FAT3: variants seen among roughly 807,000 people sequenced by gnomAD.
The protein encoded by FAT3 is FAT atypical cadherin 3.
A neutral mutation model predicts 310.2 loss-of-function variants in FAT3; 95 were observed. The ratio of observed to expected loss-of-function variants is 0.31; its 90% CI spans 0.26 to 0.36. The LOEUF is 0.36. Ranked by LOEUF, FAT3 falls within the 10% of genes least tolerant of loss-of-function variation. FAT3 has a pLI of 1.00. For synonymous variants in FAT3, 2,314 were observed against 2,192.9 expected (o/e 1.06, Z -1.54); for missense variants, 5,408 against 5,715.6 (o/e 0.95, Z 1.74).
intron 3 of FAT3, among the ~76,000 whole-genome samples, chr11:92,637,150 A>G (rs545473656): frequency 1.3e-5 from 2 of 152,332 alleles, no homozygotes; most frequent in African/African-American, 2.4e-5. Context: ...CACAAAAGGG[A>G]AAAGACATTT....
At position 92,844,236 on chromosome 11, in the gene FAT3, T is replaced by C. The variant is rs773976738; in HGVS notation, c.10869T>C (p.Ser3623=). The change falls in exon 19 of 28, where the codon AGT becomes AGC. Residue 3623 remains serine, a synonymous_variant. Coordinates refer to ENST00000525166, the MANE Select transcript of FAT3 (RefSeq NM_001367949.2). ...SGKYVLNVSV[S]DGRFQVPIDV... ...AGTATGTCCTGAATGTGTCTGTGAG[T>C]GATGGTCGCTTCCAGGTACCCATTG... The C allele has an allele frequency of 6.2e-7, 1 of 1,613,898 alleles. No individual in the cohort carries two copies. The highest frequency in any genetic ancestry group is 8.5e-7 in the Non-Finnish European group (1 of 1,179,880).
At chr11:92,501,661 T>C (rs571321755) in intron 2 of FAT3, among the ~76,000 whole-genome samples, 1 of 152,144 alleles carries the variant, frequency 6.6e-6, no homozygotes, top group Admixed American at 6.6e-5. Flanking sequence ...TTTGTCTTTT[T>C]GTTGGGCTTT....
chr11:92,364,312 A>G (rs1948958680), intron 2 of FAT3, among the ~76,000 whole-genome samples: 1 of 152,118 alleles, frequency 6.6e-6, no homozygotes. Flanking sequence ...CAATTATCAA[A>G]CAGTGAAATT....
At position 92,800,231 on chromosome 11, in the gene FAT3, A is replaced by T; in HGVS notation, c.7218A>T (p.Leu2406Phe). Residue 2406 changes from leucine to phenylalanine, a missense_variant, in exon 10 of 28, where the codon TTA (leucine) becomes TTT (phenylalanine). Around this residue, in one of 5 missense-constraint regions of FAT3, gnomAD observed 4,588 missense variants for 4,809.8 expected, o/e 0.95. Coordinates refer to ENST00000525166, the MANE Select transcript of FAT3 (RefSeq NM_001367949.2). ...TTTATGAGTCATATGTGAGTGAATT[A>T]GCCCCCCGGGGCCATTTTGTAACCT... is the stretch of plus-strand genomic sequence containing the variant. Reference protein sequence around the residue: ...QLIYESYVSELAPRGHFVTCV... With the variant: ...QLIYESYVSEFAPRGHFVTCV... 1 of 1,614,006 alleles carries T rather than the reference A, an allele frequency of 6.2e-7. No homozygotes were observed.
intron 2 of FAT3, among the ~76,000 whole-genome samples, chr11:92,368,901 C>T (rs566243989): frequency 1.4e-5 from 2 of 140,588 alleles, no homozygotes; most frequent in South Asian, 4.3e-4. Context: ...TACACACACA[C>T]ATATATATAT....
At chr11:92,680,759 G>A (rs185515186) in intron 3 of FAT3, among the ~76,000 whole-genome samples, 300 of 152,264 alleles carry the variant, frequency 2.0e-3, no homozygotes, top group Non-Finnish European at 2.9e-3. Flanking sequence ...CCATGAGGTA[G>A]ATACAAACTT....
chr11:92,538,230 G>T (rs545923607), intron 3 of FAT3, among the ~76,000 whole-genome samples: 1 of 152,174 alleles, frequency 6.6e-6, no homozygotes, highest in East Asian at 1.9e-4. Flanking sequence ...TCTTTAACCT[G>T]TTGAACAAGA....
chr11:92,678,209 T>C (rs1298084443), intron 3 of FAT3, among the ~76,000 whole-genome samples: 1 of 152,168 alleles, frequency 6.6e-6, no homozygotes, highest in Non-Finnish European at 1.5e-5. Flanking sequence ...AGGGGATCAA[T>C]CAGAGGCTGA....
chr11:92,372,334 T>C (rs1949209769), intron 2 of FAT3, among the ~76,000 whole-genome samples: 1 of 151,698 alleles, frequency 6.6e-6, no homozygotes, highest in African/African-American at 2.4e-5. Flanking sequence ...GAACAGTCGA[T>C]GTTTAGGTGT....
chr11:92,618,871 A>G (rs1940948024), intron 3 of FAT3, among the ~76,000 whole-genome samples: 1 of 152,012 alleles, frequency 6.6e-6, no homozygotes, highest in Non-Finnish European at 1.5e-5. Flanking sequence ...AGAACTTCCA[A>G]TAGAAATCTG....
intron 3 of FAT3, among the ~76,000 whole-genome samples, chr11:92,587,420 G>C (rs1343191660): frequency 2.6e-5 from 4 of 151,808 alleles, no homozygotes; most frequent in Non-Finnish European, 5.9e-5. Context: ...TTTCCCCTTA[G>C]AACAAATTTC....
At chr11:92,533,468 G>A (rs1185530131) in intron 3 of FAT3, among the ~76,000 whole-genome samples, 1 of 152,170 alleles carries the variant, frequency 6.6e-6, no homozygotes, top group African/African-American at 2.4e-5. Flanking sequence ...GCAACAGCAT[G>A]TGTTTTACCC....
At chr11:92,759,909 T>C (rs1181616070) in intron 4 of FAT3, among the ~76,000 whole-genome samples, 1 of 152,088 alleles carries the variant, frequency 6.6e-6, no homozygotes, top group East Asian at 1.9e-4. Flanking sequence ...GAGGTGATTT[T>C]GTGCACGATG....
intron 2 of FAT3, among the ~76,000 whole-genome samples, chr11:92,408,448 G>C (rs1269693297): frequency 2.0e-5 from 3 of 152,228 alleles, no homozygotes; most frequent in East Asian, 3.9e-4. Context: ...CTGTTGCTTA[G>C]GCTCTCCGAG....
intron 3 of FAT3, among the ~76,000 whole-genome samples, chr11:92,669,641 G>A (rs1443623909): frequency 1.3e-5 from 2 of 152,154 alleles, no homozygotes; most frequent in Non-Finnish European, 2.9e-5. Flanking sequence ...CTGGGTTAGG[G>A]TAAGAGGGGT....
intron 4 of FAT3, among the ~76,000 whole-genome samples, chr11:92,758,444 G>T (rs539506311): frequency 1.2e-4 from 18 of 152,282 alleles, no homozygotes; most frequent in African/African-American, 4.3e-4. Context: ...ATTCCATGAA[G>T]ACAAATGGCT....
At chr11:92,712,240 C>G (rs1039911795) in intron 4 of FAT3, among the ~76,000 whole-genome samples, 2 of 152,080 alleles carry the variant, frequency 1.3e-5, no homozygotes, top group African/African-American at 4.8e-5. Context: ...AGAAGAGCAG[C>G]CCCTGTCTCC....
intron 1 of FAT3, among the ~76,000 whole-genome samples, chr11:92,268,194 A>G (rs936915301): frequency 1.3e-5 from 2 of 152,094 alleles, no homozygotes; most frequent in African/African-American, 4.8e-5. Context: ...TCCCCATTTC[A>G]CATGTGGGGT....
chr11:92,887,079 C>T lies in FAT3; in HGVS notation c.13017C>T (p.Leu4339=). Residue 4339 remains leucine, a synonymous_variant, in exon 25 of 28, where the codon CTC becomes CTT. Coordinates refer to ENST00000525166, the MANE Select transcript of FAT3 (RefSeq NM_001367949.2). ...GCAGCAACTCTGAAGTTCAGTCCCT[C>T]AGCTCCTTCCAGTCAGATTCTGGTG... The part of the protein sequence containing the change: ...NKGSNSEVQS[L]SSFQSDSGDD... 6.2e-7 allele frequency: 1 copy of T among 1,611,656 alleles called. No homozygotes were observed. The highest frequency in any genetic ancestry group is 8.5e-7 in the Non-Finnish European group (1 of 1,179,128).
Sources: allele counts gnomAD v4.1 joint callset (sites outside exome capture counted in the v4.1 genomes callset), GRCh38; gene constraint gnomAD v4.1.1; regional missense constraint gnomAD v4.1.1; transcripts MANE v1.5; gene names NCBI Gene and HGNC (gene_info 2026-07-23, HGNC 2026-07-21).